CADPS: variants seen among roughly 807,000 people sequenced by gnomAD.
CADPS encodes the protein calcium dependent secretion activator, also known as calcium-dependent secretion activator 1.
Under a neutral mutation model 167.3 loss-of-function variants are expected in CADPS, and 57 were observed. The observed-to-expected ratio is 0.34, with a 90% CI of 0.28 to 0.42. CADPS has a LOEUF of 0.42. Among genes scored for constraint, CADPS ranks in the 20% least tolerant of loss-of-function variants. The pLI is 1.00. For synonymous variants in CADPS, 676 were observed against 635.3 expected, an observed-to-expected ratio of 1.06 and a Z score of -0.96; for missense variants, 1,414 against 1,738.1, an observed-to-expected ratio of 0.81 and a Z score of 3.32.
intron 1 of CADPS, among the ~76,000 whole-genome samples, chr3:62,812,771 T>A (rs1167039581): frequency 6.6e-6 from 1 of 152,178 alleles, no homozygotes; most frequent in East Asian, 1.9e-4. Flanking sequence ...ATTATGCATC[T>A]CTCCATAAGA....
At chr3:62,453,951 A>G (rs2058385302) in intron 26 of CADPS, among the ~76,000 whole-genome samples, 1 of 152,122 alleles carries the variant, frequency 6.6e-6, no homozygotes, top group Non-Finnish European at 1.5e-5. Context: ...GCTTCCTTTT[A>G]TAAGAGGGCC....
At chr3:62,815,293 T>TA (rs5849502) in intron 1 of CADPS, among the ~76,000 whole-genome samples, 6 of 149,814 alleles carry the variant, frequency 4.0e-5, no homozygotes, top group Admixed American at 2.0e-4. Flanking sequence ...TACTGCTACA[T>TA]AAAAAAAAAA....
intron 3 of CADPS, among the ~76,000 whole-genome samples, chr3:62,663,133 T>G (rs1435044331): frequency 1.3e-5 from 2 of 152,208 alleles, no homozygotes; most frequent in Non-Finnish European, 2.9e-5. Context: ...GTAGCAGACA[T>G]TTCTGTAAAG....
intron 22 of CADPS, 92 bp downstream of exon 22, chr3:62,481,631 T>C: frequency 8.7e-7 from 1 of 1,155,926 alleles, no homozygotes; most frequent in Non-Finnish European, 1.2e-6. Flanking sequence ...CATCTCCATC[T>C]CTGTTATATA....
intron 3 of CADPS, among the ~76,000 whole-genome samples, chr3:62,742,873 A>C (rs2080589657): frequency 6.6e-6 from 1 of 152,184 alleles, no homozygotes. Context: ...AATTTTTGCA[A>C]ACTATGCATC....
intron 3 of CADPS, among the ~76,000 whole-genome samples, chr3:62,691,711 T>C (rs6790561): frequency 0.47 from 70,938 of 151,740 alleles, 17,768 homozygotes; most frequent in East Asian, 0.86. Context: ...TTCTTACTCA[T>C]AAGCAGGAGC....
At chr3:62,683,020 G>A (rs1244613586) in intron 3 of CADPS, among the ~76,000 whole-genome samples, 1 of 152,078 alleles carries the variant, frequency 6.6e-6, no homozygotes, top group East Asian at 1.9e-4. Context: ...ATGTCTCAAT[G>A]GCCTGTGGCC....
Position 62,699,451 on chromosome 3 carries a change from G to T in CADPS, c.889-37057C>A, listed in dbSNP as rs192790298. 1.6e-3 allele frequency among the ~76,000 whole-genome samples: 251 copies of T among 152,250 alleles called. 5 individuals are homozygous for T. The highest frequency in any genetic ancestry group is 5.8e-3 in the African/African-American group (239 of 41,518). On this transcript the variant is annotated intron_variant, in intron 3 of 29. Transcript: ENST00000383710. ...GAGATTCTAATCTAAGTGAACTGAG[G>T]TGTGACCTAGACGTGGTCATTAAGT...
intron 6 of CADPS, among the ~76,000 whole-genome samples, chr3:62,630,568 G>C (rs1019485701): frequency 2.0e-5 from 3 of 151,972 alleles, no homozygotes; most frequent in Non-Finnish European, 4.4e-5. Context: ...TGTTGGCCAG[G>C]CTGGTCTTTG....
chr3:62,557,926 T>C (rs999020392), intron 9 of CADPS, among the ~76,000 whole-genome samples: 3 of 152,260 alleles, frequency 2.0e-5, no homozygotes, highest in African/African-American at 7.2e-5. Context: ...TTCTACCTAA[T>C]GTGACTGTGG....
At position 62,401,661 on chromosome 3, in the gene CADPS, A is replaced by C. The variant is rs1376563301; in HGVS notation, c.3882+1420T>G. The stretch of plus-strand genomic sequence containing the variant: ...TTGTGGCATTAGTTAAGCTGAACCC[A>C]CTTTTTGCTAAAGTGAAGGGGTTCC... On this transcript the variant is annotated intron_variant, in intron 29 of 29. Coordinates refer to ENST00000383710, the MANE Select transcript of CADPS (RefSeq NM_003716.4). Among the ~76,000 whole-genome samples, 4 of 150,790 alleles carry C rather than the reference A, an allele frequency of 2.7e-5. No homozygotes were observed. In the East Asian group the frequency reaches 7.8e-4, roughly 29 times the overall value.
Position 62,875,137 on chromosome 3 carries a change from C to T in CADPS, c.-108G>A, listed in dbSNP as rs1185617080. On this transcript the variant is annotated 5_prime_UTR_variant, in exon 1 of 30. Transcript: ENST00000383710. ...GCTCTCCCGGGTGGGCGCTTCTCCC[C>T]AGGTCAGGGAGCGAGAGCGCTGCTG... 2.3e-6 allele frequency: 3 copies of T among 1,302,992 alleles called. No homozygotes were observed. Among genetic ancestry groups the T allele is most frequent in the Middle Eastern group, 2.9e-4 (1 of 3,508 alleles). The allele number at this position is 1,302,992 out of a possible 1,614,324, so 80.7% of individuals were successfully genotyped here.
intron 3 of CADPS, among the ~76,000 whole-genome samples, chr3:62,690,353 G>A (rs2078880823): frequency 6.6e-6 from 1 of 151,976 alleles, no homozygotes; most frequent in Non-Finnish European, 1.5e-5. Context: ...TTGTTCTTAT[G>A]CTGTAGGTCA....
At chr3:62,429,428 G>C (rs897466795) in intron 28 of CADPS, among the ~76,000 whole-genome samples, 4 of 152,182 alleles carry the variant, frequency 2.6e-5, no homozygotes, top group Non-Finnish European at 5.9e-5. Flanking sequence ...AATAATTAGA[G>C]CAGTAACTAT....
intron 9 of CADPS, among the ~76,000 whole-genome samples, chr3:62,563,413 T>C (rs1415524822): frequency 6.6e-6 from 1 of 152,202 alleles, no homozygotes; most frequent in African/African-American, 2.4e-5. Context: ...GATTTAGTGA[T>C]TTTTCTGAAA....
At chr3:62,763,108 G>A (rs2085929863) in intron 2 of CADPS, among the ~76,000 whole-genome samples, 4 of 152,172 alleles carry the variant, frequency 2.6e-5, no homozygotes, top group Admixed American at 2.6e-4. Flanking sequence ...CAGTGCAGCT[G>A]AGCCTGTACT....
intron 1 of CADPS, among the ~76,000 whole-genome samples, chr3:62,871,324 C>T (rs1000129896): frequency 6.6e-6 from 1 of 152,044 alleles, no homozygotes; most frequent in African/African-American, 2.4e-5. Flanking sequence ...ACTAAAAGCC[C>T]ATCCCTCTCC....
chr3:62,794,294 T>G (rs1178786366), intron 1 of CADPS, among the ~76,000 whole-genome samples: 1 of 152,136 alleles, frequency 6.6e-6, no homozygotes, highest in Admixed American at 6.6e-5. Flanking sequence ...ATTAAGTAAG[T>G]AGTGATGGAA....
At chr3:62,799,061 T>C (rs1285946388) in intron 1 of CADPS, among the ~76,000 whole-genome samples, 1 of 152,142 alleles carries the variant, frequency 6.6e-6, no homozygotes, top group Non-Finnish European at 1.5e-5. Context: ...TAGCACCCTG[T>C]TGTGGTGACC....
Sources: gnomAD v4.1 joint callset for allele counts (sites outside exome capture counted in the v4.1 genomes callset) on GRCh38, gnomAD v4.1.1 for gene constraint, MANE v1.5 for transcripts, NCBI Gene and HGNC (gene_info 2026-07-23, HGNC 2026-07-21) for gene names.